CDH23: variants seen among roughly 807,000 people sequenced by gnomAD.
The protein encoded by CDH23 is cadherin related 23.
A neutral mutation model predicts 317.1 loss-of-function variants in CDH23; 189 were observed. The observed-to-expected ratio is 0.60, with a 90% confidence interval of 0.53 to 0.67. The LOEUF (loss-of-function observed/expected upper bound fraction) is 0.67. Among genes scored for constraint, CDH23 ranks in the 30% least tolerant of loss-of-function variants. The pLI, the probability that CDH23 is intolerant of heterozygous loss-of-function variation, is 0.00. For synonymous variants in CDH23, 1,839 were observed against 1,876.8 expected (o/e 0.98, Z 0.52); for missense variants, 4,401 against 4,592.4 (o/e 0.96, Z 1.20).
rs180825794 is a variant in CDH23, at chr10:71,530,855, G to A, written c.429+19643G>A. ...CATTCTTCGACCACCTTGGAGGAAG[G>A]CTCATTCACTCTTCCCATCATGTAG... On this transcript the variant is annotated intron_variant, in intron 6 of 69. Transcript: ENST00000224721. 1.1e-3 allele frequency among the ~76,000 whole-genome samples: 169 copies of A among 152,318 alleles called. 1 individual carries two copies. Among genetic ancestry groups the A allele is most frequent in the African/African-American group, 3.9e-3 (162 of 41,570 alleles).
At chr10:71,543,350 C>A (rs1450324392) in intron 6 of CDH23, among the ~76,000 whole-genome samples, 1 of 152,208 alleles carries the variant, frequency 6.6e-6, no homozygotes, top group Non-Finnish European at 1.5e-5. Flanking sequence ...TGTAGTAGAC[C>A]TGAGGATGGG....
intron 1 of CDH23, among the ~76,000 whole-genome samples, chr10:71,409,294 A>G (rs1848248073): frequency 6.6e-6 from 1 of 152,158 alleles, no homozygotes; most frequent in African/African-American, 2.4e-5. Context: ...GGGGCTGGTG[A>G]ACCCCAGTAC....
At chr10:71,454,847 T>TTA (rs1554826207) in intron 3 of CDH23, among the ~76,000 whole-genome samples, 3,450 of 141,332 alleles carry the variant, frequency 0.024, 57 homozygotes, top group South Asian at 0.054. Flanking sequence ...TACATTTTAT[T>TTA]TTTTTTTTTT....
chr10:71,646,034 G>T, intron 13 of CDH23, 54 bp downstream of exon 13: 3 of 1,585,214 alleles, frequency 1.9e-6, no homozygotes, highest in Non-Finnish European at 2.6e-6. Flanking sequence ...GATTTCAGGG[G>T]AGGCGAGGGT....
chr10:71,681,308 C>T (rs969331033), intron 17 of CDH23, among the ~76,000 whole-genome samples: 14 of 152,250 alleles, frequency 9.2e-5, no homozygotes, highest in African/African-American at 2.6e-4. Context: ...CTCCCATGCC[C>T]CCCACTCCCA....
chr10:71,475,052 A>G (rs117236072), intron 3 of CDH23, among the ~76,000 whole-genome samples: 1 of 152,332 alleles, frequency 6.6e-6, no homozygotes, highest in East Asian at 1.9e-4. Flanking sequence ...GAAGACGGGA[A>G]TGGTGACTAT....
At chr10:71,404,040 C>T (rs540923499) in intron 1 of CDH23, among the ~76,000 whole-genome samples, 3 of 152,154 alleles carry the variant, frequency 2.0e-5, no homozygotes, top group Non-Finnish European at 1.5e-5. Flanking sequence ...TGCCATGAGC[C>T]GAGATCGTGC....
At chr10:71,444,216 C>T (rs904444486) in intron 2 of CDH23, among the ~76,000 whole-genome samples, 33 of 152,266 alleles carry the variant, frequency 2.2e-4, no homozygotes, top group Non-Finnish European at 5.9e-5. Flanking sequence ...TTATGGAGTG[C>T]TTGCTGTGTG....
rs1162622430 is a variant in CDH23, at chr10:71,791,345, G to A, written c.6253+10G>A. The A allele has an allele frequency of 6.2e-7, 1 of 1,611,616 alleles. No homozygotes were observed. The highest frequency in any genetic ancestry group is 1.3e-5 in the African/African-American group (1 of 74,850). ...GAGAACTGCCCGCCTGGTAAGCAGGGGACAGGCCCCAGCACCCCACAACCA... is the reference window on the plus strand; with the variant it reads ...GAGAACTGCCCGCCTGGTAAGCAGGAGACAGGCCCCAGCACCCCACAACCA... On this transcript the variant is annotated intron_variant, in intron 47 of 69. Coordinates refer to ENST00000224721, the MANE Select transcript of CDH23 (RefSeq NM_022124.6).
chr10:71,779,259 C>A lies in CDH23; in HGVS notation c.5188-8C>A, dbSNP rs1840892298. The A allele has an allele frequency of 6.2e-7, 1 of 1,613,904 alleles. No individual in the cohort carries two copies. The highest frequency in any genetic ancestry group is 8.5e-7 in the Non-Finnish European group (1 of 1,179,818). On this transcript the variant is annotated splice_region_variant and splice_polypyrimidine_tract_variant and intron_variant, in intron 40 of 69. Transcript: ENST00000224721. ...TGAGGCCTTGGCTAAGCTTTTCCAC[C>A]ATCTCAGGTGCTTGTGAATGTGAAT...
intron 6 of CDH23, among the ~76,000 whole-genome samples, chr10:71,523,988 A>ACT (rs1285118655): frequency 6.6e-6 from 1 of 151,260 alleles, no homozygotes; most frequent in Non-Finnish European, 1.5e-5. Flanking sequence ...GGAACACATC[A>ACT]CCCTCCCCGT....
chr10:71,694,838 C>A (rs748872052), intron 21 of CDH23, among the ~76,000 whole-genome samples: 3 of 152,150 alleles, frequency 2.0e-5, no homozygotes, highest in African/African-American at 7.2e-5. Flanking sequence ...GTTCCCCATT[C>A]GGTTTCTTTG....
At chr10:71,573,451 T>C (rs1029372513) in intron 8 of CDH23, among the ~76,000 whole-genome samples, 2 of 152,224 alleles carry the variant, frequency 1.3e-5, no homozygotes. Context: ...GCTGGTCCCA[T>C]GTGCAGGCCC....
intron 9 of CDH23, among the ~76,000 whole-genome samples, chr10:71,581,905 C>A (rs886902176): frequency 6.6e-6 from 1 of 152,234 alleles, no homozygotes. Context: ...CTCACCCCCC[C>A]AACAGAGCAC....
At chr10:71,491,090 C>T (rs546975893) in intron 3 of CDH23, among the ~76,000 whole-genome samples, 2 of 152,314 alleles carry the variant, frequency 1.3e-5, no homozygotes, top group East Asian at 1.9e-4. Context: ...TCCAGGTAGC[C>T]GTGCACCAAA....
Position 71,813,362 on chromosome 10 carries a change from T to C in CDH23, c.9738+14T>C. 1 of 1,546,698 alleles carries C rather than the reference T, an allele frequency of 6.5e-7. No homozygotes were observed. The highest frequency in any genetic ancestry group is 8.8e-7 in the Non-Finnish European group (1 of 1,142,790). ...TCCATCTCTGAGGTAGCCGGCTGGG[T>C]GGCTGGGAGCTGTGTGCTGTGCCCC... On this transcript the variant is annotated intron_variant, in intron 69 of 69. Coordinates refer to ENST00000224721, the MANE Select transcript of CDH23 (RefSeq NM_022124.6).
chr10:71,771,658 C>A (rs1840687871), intron 38 of CDH23, among the ~76,000 whole-genome samples: 1 of 152,228 alleles, frequency 6.6e-6, no homozygotes, highest in Non-Finnish European at 1.5e-5. Flanking sequence ...CTGCAGCCAG[C>A]CTAAATCATC....
At chr10:71,738,456 AG>A (rs1247895880) in intron 34 of CDH23, 41 bp from the exon 35 acceptor site, 1 of 1,613,278 alleles carries the variant, frequency 6.2e-7, no homozygotes, top group East Asian at 2.2e-5. Context: ...GGGGCCAAGG[AG>A]GGGAAGGAGG....
At position 71,751,250 on chromosome 10, in the gene CDH23, G is replaced by A. The variant is rs371981423; in HGVS notation, c.4845+9329G>A. 3.7e-6 allele frequency: 6 copies of A among 1,608,232 alleles called. No homozygotes were observed. The highest frequency in any genetic ancestry group is 2.2e-5 in the East Asian group (1 of 44,758). On this transcript the variant is annotated intron_variant, in intron 38 of 69. Transcript: ENST00000224721. The surrounding 1 kb of genome is among the most constrained non-coding windows in gnomAD (Gnocchi z 4.9). Reference sequence around the variant, plus strand: ...CACAACAGCCCACTGTCCCCCAGCTGGGCTAGATGACCTCAAAGTTTGGAG... The same window carrying A: ...CACAACAGCCCACTGTCCCCCAGCTAGGCTAGATGACCTCAAAGTTTGGAG...
Sources: allele counts gnomAD v4.1 joint callset (sites outside exome capture counted in the v4.1 genomes callset), GRCh38; gene constraint gnomAD v4.1.1; non-coding constraint Gnocchi (gnomAD v3.1); transcripts MANE v1.5; gene names NCBI Gene and HGNC (gene_info 2026-07-23, HGNC 2026-07-21).